NAV3: variants seen among roughly 807,000 people sequenced by gnomAD.
The protein encoded by NAV3 is pore membrane and/or filament interacting like protein 1.
Under a neutral mutation model 244.7 loss-of-function variants are expected in NAV3, and 87 were observed. That is an observed-to-expected ratio of 0.36 (90% CI 0.30 to 0.42). The LOEUF is 0.42. NAV3 is among the 20% of genes least tolerant of loss of function. The pLI is 1.00. For missense variants in NAV3, 2,663 were observed against 2,893.3 expected (o/e 0.92, Z 1.83); for synonymous variants, 1,126 against 1,042.2 (o/e 1.08, Z -1.55).
intron 2 of NAV3, among the ~76,000 whole-genome samples, chr12:77,790,034 C>A (rs1244691048): frequency 6.6e-6 from 1 of 152,092 alleles, no homozygotes; most frequent in Admixed American, 6.6e-5. Context: ...CCTTTTGAGA[C>A]GTGGCAAGTC....
rs114446368 is a variant in NAV3, at chr12:77,879,177, C to G, written c.243+47473C>G. On this transcript the variant is annotated intron_variant, in intron 1 of 39. Coordinates refer to ENST00000397909, the MANE Select transcript of NAV3 (RefSeq NM_001024383.2). ...TTGCGAACCCGCTTGGATAGCTACC[C>G]TGCAAATTTCCCAGGCTCAAAAATG... 6.2e-3 allele frequency among the ~76,000 whole-genome samples: 949 copies of G among 152,224 alleles called. 14 individuals carry two copies. Among genetic ancestry groups the G allele is most frequent in the African/African-American group, 0.021 (888 of 41,532 alleles).
At chr12:78,102,920 T>G (rs1458694851) in intron 12 of NAV3, among the ~76,000 whole-genome samples, 1 of 152,080 alleles carries the variant, frequency 6.6e-6, no homozygotes, top group Non-Finnish European at 1.5e-5. Context: ...AAAATCATTT[T>G]TTCCTCCTAG....
intron 2 of NAV3, among the ~76,000 whole-genome samples, chr12:77,675,981 C>T (rs1297504749): frequency 6.6e-6 from 1 of 152,150 alleles, no homozygotes; most frequent in Non-Finnish European, 1.5e-5. Context: ...GCATTTGGCC[C>T]TGCCTGGGAA....
intron 2 of NAV3, among the ~76,000 whole-genome samples, chr12:77,736,581 T>C (rs1286260179): frequency 6.6e-6 from 1 of 152,206 alleles, no homozygotes; most frequent in Admixed American, 6.5e-5. Flanking sequence ...GGGATAGATA[T>C]ATTTCTTACA....
chr12:77,863,185 A>C (rs928448133), intron 1 of NAV3, among the ~76,000 whole-genome samples: 1 of 151,906 alleles, frequency 6.6e-6, no homozygotes, highest in African/African-American at 2.4e-5. Context: ...AATATTACAG[A>C]AAGGAAATGC....
chr12:77,970,353 A>G (rs555778882), intron 5 of NAV3, among the ~76,000 whole-genome samples: 1 of 152,120 alleles, frequency 6.6e-6, no homozygotes, highest in Non-Finnish European at 1.5e-5. Context: ...ACCACCTCCC[A>G]CTTACTGTCA....
chr12:77,923,823 A>T (rs924237230), intron 1 of NAV3, among the ~76,000 whole-genome samples: 3 of 152,142 alleles, frequency 2.0e-5, no homozygotes, highest in African/African-American at 7.2e-5. Flanking sequence ...AGGAGTTACT[A>T]GTGATGAAGA....
chr12:77,873,601 C>T (rs1223877982), intron 1 of NAV3, among the ~76,000 whole-genome samples: 3 of 145,464 alleles, frequency 2.1e-5, no homozygotes, highest in Admixed American at 7.0e-5. Flanking sequence ...TATTTCTTTT[C>T]CTAGATGATT....
chr12:77,678,317 CTG>C (rs929749483), intron 2 of NAV3, among the ~76,000 whole-genome samples: 2 of 152,050 alleles, frequency 1.3e-5, no homozygotes, highest in Non-Finnish European at 2.9e-5. Flanking sequence ...AATGGATTGA[CTG>C]TTGTTTTTTT....
intron 1 of NAV3, among the ~76,000 whole-genome samples, chr12:77,917,514 T>C (rs1887266870): frequency 1.3e-5 from 2 of 152,094 alleles, no homozygotes. Flanking sequence ...CTTAAGATTA[T>C]ATAGCAATAT....
intron 2 of NAV3, among the ~76,000 whole-genome samples, chr12:77,819,367 C>T (rs1008968348): frequency 3.3e-5 from 5 of 151,364 alleles, no homozygotes; most frequent in African/African-American, 1.2e-4. Flanking sequence ...GGATTTTAAG[C>T]TGAGGTCCCT....
chr12:78,159,290 T>C lies in NAV3; in HGVS notation c.4869+4T>C, dbSNP rs909056263. On this transcript the variant is annotated splice_donor_region_variant and intron_variant, in intron 23 of 39. Transcript: ENST00000397909. Reference sequence around the variant, plus strand: ...AACTATGACAGCGGAACAAAAGGTATGTTCAGAAATTGCCACTGGAGACTG... The same window carrying C: ...AACTATGACAGCGGAACAAAAGGTACGTTCAGAAATTGCCACTGGAGACTG... 6.2e-7 allele frequency: 1 copy of C among 1,612,650 alleles called. No homozygotes were observed. The highest frequency in any genetic ancestry group is 8.5e-7 in the Non-Finnish European group (1 of 1,179,072).
At chr12:77,954,745 T>C (rs1891206943) in intron 3 of NAV3, among the ~76,000 whole-genome samples, 1 of 152,168 alleles carries the variant, frequency 6.6e-6, no homozygotes, top group African/African-American at 2.4e-5. Flanking sequence ...TCTTATGAGT[T>C]AGTGTATTAC....
rs1960805020 is a variant in NAV3 at position 78,210,585 on chromosome 12, C to T, written c.*68C>T. ...ATGTTTCAAAAGAAAGGTATTTTCA[C>T]TAAACCACTGCCAGTATAAAAGCAC... On this transcript the variant is annotated 3_prime_UTR_variant, in exon 40 of 40. Coordinates refer to ENST00000397909, the MANE Select transcript of NAV3 (RefSeq NM_001024383.2). 6.4e-7 allele frequency: 1 copy of T among 1,565,452 alleles called. No individual in the cohort carries two copies. The highest frequency in any genetic ancestry group is 2.3e-5 in the East Asian group (1 of 43,182).
intron 12 of NAV3, among the ~76,000 whole-genome samples, chr12:78,068,382 C>T (rs541380375): frequency 6.6e-6 from 1 of 150,766 alleles, no homozygotes; most frequent in African/African-American, 2.4e-5. Context: ...CCATTTTGAC[C>T]TAAACATATC....
intron 16 of NAV3, among the ~76,000 whole-genome samples, chr12:78,125,687 G>T (rs1231197610): frequency 6.6e-5 from 10 of 152,092 alleles, no homozygotes; most frequent in Non-Finnish European, 2.9e-5. Context: ...GGCCCTTGCT[G>T]GCATATGAGT....
chr12:77,949,569 A>G (rs2137620067), intron 3 of NAV3, among the ~76,000 whole-genome samples: 1 of 151,994 alleles, frequency 6.6e-6, no homozygotes, highest in South Asian at 2.1e-4. Context: ...TTAAGTTCAC[A>G]GCAAAATTGG....
intron 2 of NAV3, among the ~76,000 whole-genome samples, chr12:77,648,644 G>A (rs1470005265): frequency 6.6e-6 from 1 of 152,030 alleles, no homozygotes; most frequent in Non-Finnish European, 1.5e-5. Context: ...TGTAACCAGT[G>A]GGTCCTCTAA....
intron 18 of NAV3, among the ~76,000 whole-genome samples, chr12:78,135,746 T>TGGTA (rs1280165783): frequency 1.3e-5 from 2 of 152,164 alleles, no homozygotes; most frequent in African/African-American, 4.8e-5. Context: ...CAGACCGAAA[T>TGGTA]GGTACTAATG....
Sources: gnomAD v4.1 joint callset for allele counts (sites outside exome capture counted in the v4.1 genomes callset) on GRCh38, gnomAD v4.1.1 for gene constraint, MANE v1.5 for transcripts, NCBI Gene and HGNC (gene_info 2026-07-23, HGNC 2026-07-21) for gene names.